LTBP4: variants seen among roughly 807,000 people sequenced by gnomAD.
LTBP4 encodes latent transforming growth factor beta binding protein 4, also known as latent-transforming growth factor beta-binding protein 4.
LTBP4 carries 93 observed loss-of-function variants against 180.2 expected under a neutral mutation model. That is an observed-to-expected ratio of 0.52 (90% CI 0.44 to 0.61). The LOEUF is 0.61. Ranked by LOEUF, LTBP4 falls within the 20% of genes least tolerant of loss-of-function variation. LTBP4 has a pLI of 0.00. For missense variants in LTBP4, 2,116 were observed against 2,256.5 expected, an observed-to-expected ratio of 0.94 and a Z score of 1.26; for synonymous variants, 947 against 934.5, an observed-to-expected ratio of 1.01 and a Z score of -0.24.
intron 18 of LTBP4, 86 bp downstream of exon 18, chr19:40,614,124 C>T (rs1159331160): frequency 6.4e-7 from 1 of 1,558,082 alleles, no homozygotes; most frequent in Non-Finnish European, 8.7e-7. Flanking sequence ...TTTCCTCCTC[C>T]GCTTCTCCCC....
At chr19:40,624,305 A>G (rs931333491) in intron 26 of LTBP4, among the ~76,000 whole-genome samples, 45 of 152,320 alleles carry the variant, frequency 3.0e-4, no homozygotes, top group African/African-American at 1.1e-3. Context: ...CAACCTTTGC[A>G]TGTTGCCTCT....
intron 11 of LTBP4, 167 bp from the exon 12 acceptor site, chr19:40,610,365 A>T: frequency 1.3e-6 from 1 of 746,262 alleles, no homozygotes; most frequent in Non-Finnish European, 2.1e-6. Context: ...CCTGCCCTCC[A>T]CAATTGCCTC....
At chr19:40,595,025 C>T (rs1423179612) in intron 1 of LTBP4, among the ~76,000 whole-genome samples, 1 of 151,480 alleles carries the variant, frequency 6.6e-6, no homozygotes, top group Non-Finnish European at 1.5e-5. Flanking sequence ...TGGGTGGAGC[C>T]TGGGATCCAC....
rs2081621770 is a variant in LTBP4, at chr19:40,625,289, TATATATATA to T, written c.3833-567_3833-559del. 2.9e-4 allele frequency among the ~76,000 whole-genome samples: 3 copies of T among 10,474 alleles called. 1 individual carries two copies. The highest frequency in any genetic ancestry group is 4.5e-4 in the Non-Finnish European group (3 of 6,734). 6.9% of individuals were successfully genotyped at this position (10,474 alleles called of 152,430 possible). On this transcript the variant is annotated intron_variant, in intron 26 of 29. Coordinates refer to ENST00000396819, the MANE Select transcript of LTBP4 (RefSeq NM_001042545.2). ...ATATATATATATATATATATATATA[TATATATATA>T]TATATATATATATATATATTTTTTT...
Position 40,594,929 on chromosome 19 carries a change from G to C in LTBP4, c.16+1748G>C, listed in dbSNP as rs372645001. ...CTGGATTGGAAGAAGGAGCAGGAGT[G>C]GGGGGTGGGGGGTGCAACTGGATCA... On this transcript the variant is annotated intron_variant, in intron 1 of 32. Coordinates refer to the LTBP4 transcript ENST00000204005. Among the ~76,000 whole-genome samples the C allele has an allele frequency of 2.6e-5, 4 of 152,154 alleles. No individual in the cohort carries two copies. The East Asian group carries it at 7.7e-4, about 29-fold the overall frequency.
At chr19:40,600,143 G>A (rs776960528), upstream of LTBP4, 2 of 1,256,234 alleles carry the variant, frequency 1.6e-6, no homozygotes, top group African/African-American at 1.5e-5. This position sits in a 1 kb window ranked among gnomAD's most constrained non-coding sequence, Gnocchi z 4.4. Context: ...TGAGAAGGAG[G>A]CCCCCACAGC....
intron 15 of LTBP4, 22 bp downstream of exon 15, chr19:40,612,214 G>A: frequency 6.3e-7 from 1 of 1,577,282 alleles, no homozygotes; most frequent in Non-Finnish European, 8.6e-7. Context: ...CCCTGGCTGT[G>A]ACCTTGGGCC....
intron 27 of LTBP4, 63 bp from the exon 28 acceptor site, chr19:40,626,912 T>G: frequency 6.8e-7 from 1 of 1,470,018 alleles, no homozygotes. Context: ...CCAAGGGGGG[T>G]ATGTGAGTGG....
In LTBP4 at chr19:40,622,867, A is replaced by T; in HGVS notation, c.3485-83A>T. ...CACTAACAGGCACAGGGCCAGAGGG[A>T]CTTTTGTGACAAGTGGGCACGAGCA... On this transcript the variant is annotated intron_variant, in intron 23 of 29. Transcript: ENST00000396819. The surrounding 1 kb of genome is among the most constrained non-coding windows in gnomAD (Gnocchi z 5.1). 5 of 1,465,610 alleles carry T rather than the reference A, an allele frequency of 3.4e-6. No homozygotes were observed. The highest frequency in any genetic ancestry group is 4.7e-6 in the Non-Finnish European group (5 of 1,069,354). The allele number at this position is 1,465,610 out of a possible 1,614,324, so 90.8% of individuals were successfully genotyped here.
At chr19:40,597,211 G>A (rs976506465), upstream of LTBP4, 372 of 1,453,780 alleles carry the variant, frequency 2.6e-4, 3 homozygotes, top group Middle Eastern at 2.2e-3. Context: ...CGCCCGCCCG[G>A]AGCGGGACTC....
Position 40,609,544 on chromosome 19 carries a change from A to G in LTBP4, c.1441A>G (p.Met481Val), listed in dbSNP as rs116005784. The change falls in exon 10 of 30, where the codon ATG becomes GTG. Residue 481 changes from methionine (M) to valine (V), a missense_variant. Physicochemically the swap from Met to Val is conservative, Grantham distance 21. Transcript: ENST00000396819. This position sits in a 1 kb window ranked among gnomAD's most constrained non-coding sequence, Gnocchi z 4.9. ...GGACCCCCCAGGTCCCTCCTCCGGC[A>G]TGTGTCAGCGCAACCCCCAGGTCTG... ...EIPESGPSSG[M>V]CQRNPQVCGP... The G allele has an allele frequency of 8.7e-4, 1,409 of 1,613,134 alleles. 10 individuals carry two copies. The African/African-American group carries it at 0.017, about 20-fold the overall frequency.
At chr19:40,621,239 G>A (rs915672285) in intron 22 of LTBP4, among the ~76,000 whole-genome samples, 1 of 151,600 alleles carries the variant, frequency 6.6e-6, no homozygotes, top group African/African-American at 2.4e-5. Context: ...CACCATGCTC[G>A]GCCCAACAGC....
chr19:40,610,588 A>G lies in LTBP4; in HGVS notation c.1741A>G (p.Thr581Ala). ...GTGTGACCTCGGGCGCTGCGAGAACACGCCAGGCAGCTTCCTGTGCGTGTG... is the reference window on the plus strand; with the variant it reads ...GTGTGACCTCGGGCGCTGCGAGAACGCGCCAGGCAGCTTCCTGTGCGTGTG... ...PPCDLGRCEN[T>A]PGSFLCVCPA... Residue 581 changes from threonine (T) to alanine (A), a missense_variant, in exon 12 of 30, where the codon ACG becomes GCG. By Grantham distance (58) the Thr-to-Ala change is moderately conservative. Transcript: ENST00000396819. The G allele has an allele frequency of 6.3e-7, 1 of 1,590,694 alleles. No homozygotes were observed. The highest frequency in any genetic ancestry group is 8.5e-7 in the Non-Finnish European group (1 of 1,175,018).
intron 1 of LTBP4, among the ~76,000 whole-genome samples, chr19:40,603,659 T>A (rs2081438748): frequency 1.3e-5 from 2 of 152,148 alleles, no homozygotes; most frequent in African/African-American, 2.4e-5. Context: ...TAAACGGAGG[T>A]GGCTCTCTGC....
chr19:40,603,895 C>T (rs1286171466), intron 1 of LTBP4, among the ~76,000 whole-genome samples: 1 of 152,256 alleles, frequency 6.6e-6, no homozygotes, highest in Admixed American at 6.5e-5. Flanking sequence ...CGCCGCACCT[C>T]TCTCTTTGTT....
In LTBP4 at chr19:40,613,069, G is replaced by A; in HGVS notation, c.2304G>A (p.Val768=). 6.2e-7 allele frequency: 1 copy of A among 1,611,894 alleles called. No individual in the cohort carries two copies. The highest frequency in any genetic ancestry group is 8.5e-7 in the Non-Finnish European group (1 of 1,179,046). Residue 768 remains valine, a synonymous_variant, in exon 16 of 30, where the codon GTG becomes GTA. Coordinates refer to ENST00000396819, the MANE Select transcript of LTBP4 (RefSeq NM_001042545.2). This position sits in a 1 kb window ranked among gnomAD's most constrained non-coding sequence, Gnocchi z 5.0. The part of the protein sequence containing the change: ...HHLHRGRCTD[V]DECSSGAPPC... The stretch of plus-strand genomic sequence containing the variant: ...GAACACCCCCACCCCCCACAGATGT[G>A]GACGAATGCAGTTCGGGTGCCCCTC...
In LTBP4 at chr19:40,625,252, TTATATATATATATATATATATATATA is replaced by T. The variant is rs71173663; in HGVS notation, c.3833-565_3833-540del. On this transcript the variant is annotated intron_variant, in intron 26 of 29. Transcript: ENST00000396819. ...CACCAAGCCTGGCTAATTTTTGTAT[TTATATATATATATATATATATATATA>T]TATATATATATATATATATATATAT... 7.3e-4 allele frequency among the ~76,000 whole-genome samples: 32 copies of T among 44,030 alleles called. 3 individuals carry two copies. Among genetic ancestry groups the T allele is most frequent in the Admixed American group, 2.1e-3 (6 of 2,864 alleles). The allele number at this position is 44,030 out of a possible 152,430, so 28.9% of individuals were successfully genotyped here. A position where few individuals can be genotyped will look rare whatever the true frequency, so the allele number is the denominator to read the frequency against.
intron 21 of LTBP4, among the ~76,000 whole-genome samples, chr19:40,617,640 TCTC>T (rs2081559753): frequency 8.4e-6 from 1 of 119,520 alleles, no homozygotes; most frequent in Non-Finnish European, 1.6e-5. Flanking sequence ...TGAGACCCTG[TCTC>T]AAAAAAAAAA....
chr19:40,621,650 G>T (rs1343675615), intron 22 of LTBP4, among the ~76,000 whole-genome samples: 1 of 152,136 alleles, frequency 6.6e-6, no homozygotes, highest in Non-Finnish European at 1.5e-5. Flanking sequence ...AGGGGCTGTG[G>T]AAGGGGAGGA....
Sources: allele counts gnomAD v4.1 joint callset (sites outside exome capture counted in the v4.1 genomes callset), GRCh38; gene constraint gnomAD v4.1.1; non-coding constraint Gnocchi (gnomAD v3.1); transcripts MANE v1.5; gene names NCBI Gene and HGNC (gene_info 2026-07-23, HGNC 2026-07-21).